Variants in GSAP observed in about 807,000 individuals in gnomAD.
GSAP encodes the protein gamma-secretase-activating protein.
A neutral mutation model predicts 131.7 loss-of-function variants in GSAP; 118 were observed. That is an observed-to-expected ratio of 0.90 (90% CI 0.77 to 1.04). The LOEUF (loss-of-function observed/expected upper bound fraction) is 1.04. GSAP is among the 50% of genes least tolerant of loss of function. The probability of loss-of-function intolerance (pLI) is 0.00; values close to 1 mark genes in which losing one functional copy is unlikely to be tolerated. For synonymous variants in GSAP, 381 were observed against 363.4 expected (o/e 1.05, Z -0.55); for missense variants, 1,019 against 1,013.2 (o/e 1.01, Z -0.08).
At chr7:77,369,376 C>T (rs563010291) in intron 12 of GSAP, among the ~76,000 whole-genome samples, 89 of 152,320 alleles carry the variant, frequency 5.8e-4, no homozygotes, top group African/African-American at 2.1e-3. Flanking sequence ...GCAGTGGCAG[C>T]AGCACTTTTG....
chr7:77,390,141 C>T (rs183227130), intron 5 of GSAP, among the ~76,000 whole-genome samples: 37,646 of 151,858 alleles, frequency 0.25, 4,836 homozygotes, highest in South Asian at 0.31. Context: ...TGTTTGTTTT[C>T]TCTTGTAAAT....
chr7:77,377,430 T>G, intron 8 of GSAP, 40 bp from the exon 9 acceptor site: 1 of 1,381,254 alleles, frequency 7.2e-7, no homozygotes, highest in Non-Finnish European at 9.5e-7. Context: ...AAAGTATGAA[T>G]AACTTTTAAA....
At position 77,407,668 on chromosome 7, in the gene GSAP, CTG is replaced by C. The variant is rs140909686; in HGVS notation, c.110-1565_110-1564del. On this transcript the variant is annotated intron_variant, in intron 1 of 30. Transcript: ENST00000257626. ...GTGATGCAAAAAAAATCTGAAGCAA[CTG>C]AAACTCTCATACATTGTTAATGGGA... is the stretch of plus-strand genomic sequence containing the variant. 7.5e-4 allele frequency among the ~76,000 whole-genome samples: 114 copies of C among 152,228 alleles called. 2 individuals carry two copies. The East Asian group carries it at 0.016, about 22-fold the overall frequency.
At chr7:77,349,275 G>T in intron 19 of GSAP, 76 bp downstream of exon 19, 7 of 1,165,860 alleles carry the variant, frequency 6.0e-6, no homozygotes, top group Non-Finnish European at 9.0e-6. Context: ...AATCCCTTTT[G>T]GAACCACCAT....
At chr7:77,386,669 A>G (rs1798616836) in intron 6 of GSAP, among the ~76,000 whole-genome samples, 1 of 152,186 alleles carries the variant, frequency 6.6e-6, no homozygotes, top group Non-Finnish European at 1.5e-5. Context: ...TATTCCTGGA[A>G]GCCGTTTAAA....
chr7:77,315,953 T>C (rs1185493017), intron 26 of GSAP: 3 of 152,198 alleles, frequency 2.0e-5, no homozygotes, highest in Non-Finnish European at 2.9e-5. Context: ...TTACAAAAAA[T>C]AGACATTTTT....
Position 77,311,895 on chromosome 7 carries a change from G to T in GSAP, c.2419C>A (p.Leu807Met). Residue 807 changes from leucine (L) to methionine (M), a missense_variant, in exon 30 of 31, where the codon CTG becomes ATG. By Grantham distance (15) the Leu-to-Met change is conservative. Coordinates refer to ENST00000257626, the MANE Select transcript of GSAP (RefSeq NM_017439.4). ...INKSSFSVEF[L>M]PLNYFIEILT... is the part of the protein sequence containing the mutation. Reference sequence around the variant, plus strand: ...ATTTCAATGAAGTAGTTCAGAGGCAGAAATTCTACACTGAACGATGACTTG... The same window carrying T: ...ATTTCAATGAAGTAGTTCAGAGGCATAAATTCTACACTGAACGATGACTTG... The T allele has an allele frequency of 6.2e-7, 1 of 1,604,956 alleles. No individual in the cohort carries two copies. The highest frequency in any genetic ancestry group is 1.1e-5 in the South Asian group (1 of 90,896).
chr7:77,349,560 G>A (rs80057342), intron 18 of GSAP, among the ~76,000 whole-genome samples, 156 bp from the exon 19 acceptor site: 1,539 of 152,222 alleles, frequency 0.01, 24 homozygotes, highest in African/African-American at 0.035. Flanking sequence ...ATAAATAACA[G>A]TGAATATAGC....
intron 8 of GSAP, among the ~76,000 whole-genome samples, chr7:77,380,469 A>C (rs1026571187): frequency 6.6e-6 from 1 of 152,208 alleles, no homozygotes; most frequent in Non-Finnish European, 1.5e-5. Flanking sequence ...GATGATTTAT[A>C]ATTCAAAAGC....
Position 77,367,487 on chromosome 7 carries a change from T to C in GSAP, c.872-4827A>G, listed in dbSNP as rs1376241653. On this transcript the variant is annotated intron_variant, in intron 12 of 30. Transcript: ENST00000257626. ...ATGTGGTTTTTGTCTTTAATTCTGT[T>C]TATGTGATGAATCACATTTATTGAA... 2.0e-5 allele frequency among the ~76,000 whole-genome samples: 3 copies of C among 152,232 alleles called. No individual in the cohort carries two copies. In the East Asian group the frequency reaches 5.8e-4, roughly 29 times the overall value.
rs1330321465 is a variant in GSAP, at chr7:77,380,353, T to C, written c.576+952A>G. ...TTGGAAAGCAATCTGGAAAAATCTG[T>C]TGGAATTTATTAAATGCATGTACCC... On this transcript the variant is annotated intron_variant, in intron 8 of 30. Transcript: ENST00000257626. Among the ~76,000 whole-genome samples the C allele has an allele frequency of 5.3e-5, 8 of 152,310 alleles. No individual in the cohort carries two copies. In the East Asian group the frequency reaches 1.5e-3, roughly 29 times the overall value.
intron 1 of GSAP, chr7:77,415,950 G>T: frequency 2.6e-6 from 1 of 378,486 alleles, no homozygotes. Context: ...CCTCTGCCAA[G>T]GGCGAATTTC....
intron 29 of GSAP, 28 bp downstream of exon 29, chr7:77,312,073 A>G: frequency 7.0e-7 from 1 of 1,431,136 alleles, no homozygotes; most frequent in Non-Finnish European, 9.7e-7. Context: ...AAAAACATTT[A>G]GTTGGCTGTG....
Position 77,397,322 on chromosome 7 carries a change from T to C in GSAP, c.313+24A>G, listed in dbSNP as rs563561247. The C allele has an allele frequency of 4.9e-6, 7 of 1,434,510 alleles. No homozygotes were observed. In the East Asian group the frequency reaches 6.8e-5, roughly 14 times the overall value. 88.9% of individuals were successfully genotyped at this position (1,434,510 alleles called of 1,614,324 possible). A position where few individuals can be genotyped will look rare whatever the true frequency, so the allele number is the denominator to read the frequency against. On this transcript the variant is annotated intron_variant, in intron 4 of 30. Coordinates refer to ENST00000257626, the MANE Select transcript of GSAP (RefSeq NM_017439.4). ...GAAAGATGTAGTTCAGTTCTTGACA[T>C]GTAGCAATAAGAGCTCAACTTACCA...
rs190894544 is a variant in GSAP, at chr7:77,326,299, G to C, written c.1766-26C>G. Reference sequence around the variant, plus strand: ...CTGAAATGAAACAGAGCAATAGTTAGGCTCTGAGCAGTTTTCAGGAGATGG... The same window carrying C: ...CTGAAATGAAACAGAGCAATAGTTACGCTCTGAGCAGTTTTCAGGAGATGG... On this transcript the variant is annotated intron_variant, in intron 22 of 30. Transcript: ENST00000257626. 5 of 1,554,986 alleles carry C rather than the reference G, an allele frequency of 3.2e-6. No homozygotes were observed. In the East Asian group the frequency reaches 1.1e-4, roughly 35 times the overall value.
rs1344318856 is a variant in GSAP at position 77,362,568 on chromosome 7, A to C, written c.949+15T>G. On this transcript the variant is annotated intron_variant, in intron 13 of 30. Transcript: ENST00000257626. ...AGTTATTATGTAAAAGTAACAAAGA[A>C]GACATGAAAAGTACCTTTATGAATG... is the stretch of plus-strand genomic sequence containing the variant. The C allele has an allele frequency of 6.0e-6, 8 of 1,332,636 alleles. No individual in the cohort carries two copies. The highest frequency in any genetic ancestry group is 3.4e-5 in the Admixed American group (2 of 58,964). 82.6% of individuals were successfully genotyped at this position (1,332,636 alleles called of 1,614,324 possible). A position where few individuals can be genotyped will look rare whatever the true frequency, so the allele number is the denominator to read the frequency against.
intron 3 of GSAP, among the ~76,000 whole-genome samples, chr7:77,399,152 G>C (rs936784215): frequency 1.3e-5 from 2 of 152,124 alleles, no homozygotes; most frequent in Admixed American, 1.3e-4. Flanking sequence ...ACCTCAAAGT[G>C]GAATTTCTAG....
intron 18 of GSAP, among the ~76,000 whole-genome samples, chr7:77,350,747 GAA>G (rs923609433): frequency 1.3e-5 from 2 of 151,392 alleles, no homozygotes. Flanking sequence ...CGTCTCCAAA[GAA>G]AAAAAAGAGT....
Position 77,355,235 on chromosome 7 carries a change from C to A in GSAP, c.1316G>T (p.Gly439Val), listed in dbSNP as rs757750297. ...CACCTGGGCTTCCAGGAACTGCGCA[C>A]CTTGACCGCAGTAGAGCGCGCAGTG... ...ALHCALYCGQ[G>V]AQFLEAQIIQ... Residue 439 changes from glycine to valine, a missense_variant, in exon 16 of 31, where the codon GGT (glycine) becomes GTT (valine). Physicochemically the swap from Gly to Val is moderately radical, Grantham distance 109 (BLOSUM62 -3). Coordinates refer to ENST00000257626, the MANE Select transcript of GSAP (RefSeq NM_017439.4). 1 of 1,613,500 alleles carries A rather than the reference C, an allele frequency of 6.2e-7. No homozygotes were observed. Among genetic ancestry groups the A allele is most frequent in the Non-Finnish European group, 8.5e-7 (1 of 1,179,482 alleles).
Sources: allele counts gnomAD v4.1 joint callset (sites outside exome capture counted in the v4.1 genomes callset), GRCh38; gene constraint gnomAD v4.1.1; transcripts MANE v1.5; gene names NCBI Gene and HGNC (gene_info 2026-07-23, HGNC 2026-07-21).